CIBAR2: variants seen among roughly 807,000 people sequenced by gnomAD.
CIBAR2 encodes the protein CBY1-interacting BAR domain-containing protein 2.
In CIBAR2, 38 loss-of-function variants were observed where a neutral mutation model predicts 36.2. The observed-to-expected ratio is 1.05, with a 90% confidence interval of 0.81 to 1.38. The LOEUF is 1.38. Among genes scored for constraint, CIBAR2 ranks in the 40% most tolerant of loss-of-function variants. The probability of loss-of-function intolerance (pLI) is 0.00; values close to 1 mark genes in which losing one functional copy is unlikely to be tolerated. For missense variants in CIBAR2, 481 were observed against 383.4 expected (o/e 1.25, Z -2.13); for synonymous variants, 182 against 149.5 (o/e 1.22, Z -1.58).
chr16:85,107,198 A>G (rs2074003008), intron 5 of CIBAR2, among the ~76,000 whole-genome samples: 1 of 152,116 alleles, frequency 6.6e-6, no homozygotes, highest in Non-Finnish European at 1.5e-5. Context: ...ACTCAGTCAC[A>G]AATCAGTTAC....
At position 85,105,340 on chromosome 16, in the gene CIBAR2, A is replaced by G; in HGVS notation, c.524T>C (p.Leu175Pro). The G allele has an allele frequency of 1.2e-6, 2 of 1,612,480 alleles. No homozygotes were observed. Among genetic ancestry groups the G allele is most frequent in the Non-Finnish European group, 1.7e-6 (2 of 1,179,370 alleles). The change falls in exon 6 of 9, where the codon CTC (leucine) becomes CCC (proline). Residue 175 changes from leucine (L) to proline (P), a missense_variant. Transcript: ENST00000539556. ...AACCACCCTCACCTGCAGGTCCTTGAGCTTCTGCCTCTGGAAGCCATCCAC... is the reference window on the plus strand; with the variant it reads ...AACCACCCTCACCTGCAGGTCCTTGGGCTTCTGCCTCTGGAAGCCATCCAC... ...ETVDGFQRQK[L>P]KDLQKFFCDF...
intron 7 of CIBAR2, 80 bp from the exon 8 acceptor site, chr16:85,100,320 G>A (rs1036968917): frequency 1.1e-6 from 1 of 871,470 alleles, no homozygotes; most frequent in African/African-American, 1.6e-5. Context: ...GAAAGACGGT[G>A]GGGACGAGAA....
At chr16:85,105,882 C>T (rs2073992266) in intron 5 of CIBAR2, among the ~76,000 whole-genome samples, 1 of 152,204 alleles carries the variant, frequency 6.6e-6, no homozygotes, top group African/African-American at 2.4e-5. Flanking sequence ...TACTCCATGC[C>T]AAGCCCAGAC....
At chr16:85,103,758 C>T (rs1006013836) in intron 6 of CIBAR2, among the ~76,000 whole-genome samples, 9 of 152,202 alleles carry the variant, frequency 5.9e-5, no homozygotes, top group Non-Finnish European at 8.8e-5. Context: ...TACTGAATAC[C>T]CACTAGGTGC....
intron 6 of CIBAR2, among the ~76,000 whole-genome samples, chr16:85,104,510 C>G (rs759975896): frequency 5.3e-5 from 8 of 152,136 alleles, no homozygotes; most frequent in African/African-American, 9.7e-5. Flanking sequence ...GCGTTCGAGA[C>G]CAGCCTGGCC....
chr16:85,101,611 C>T (rs58780142), intron 7 of CIBAR2, among the ~76,000 whole-genome samples: 1 of 152,112 alleles, frequency 6.6e-6, no homozygotes, highest in Non-Finnish European at 1.5e-5. Flanking sequence ...TATTTCAAAA[C>T]TACATCAAGC....
chr16:85,102,719 A>G (rs967911247), intron 6 of CIBAR2, among the ~76,000 whole-genome samples: 1 of 152,202 alleles, frequency 6.6e-6, no homozygotes, highest in South Asian at 2.1e-4. Context: ...CTTGCTCTCC[A>G]TCCTCCATCC....
intron 8 of CIBAR2, among the ~76,000 whole-genome samples, chr16:85,099,821 T>C (rs1327655539): frequency 9.2e-5 from 9 of 97,952 alleles, no homozygotes; most frequent in Non-Finnish European, 1.4e-4. Context: ...TTTTTTTTTT[T>C]AGTAGAGATG....
intron 1 of CIBAR2, 26 bp downstream of exon 1, chr16:85,112,307 A>G (rs375507623): frequency 2.6e-4 from 416 of 1,612,818 alleles, no homozygotes; most frequent in Non-Finnish European, 3.5e-4. Context: ...CCTCCCTCAC[A>G]GCCAGGCTGG....
intron 4 of CIBAR2, 65 bp downstream of exon 4, chr16:85,107,780 GA>G (rs936742703): frequency 1.9e-6 from 3 of 1,582,660 alleles, no homozygotes; most frequent in Non-Finnish European, 2.6e-6. Flanking sequence ...GAAAACCTCA[GA>G]AGACATCAGT....
chr16:85,106,665 C>T (rs1259666117), intron 5 of CIBAR2, among the ~76,000 whole-genome samples: 5 of 152,188 alleles, frequency 3.3e-5, no homozygotes, highest in African/African-American at 7.2e-5. Flanking sequence ...CAGAAGGAAC[C>T]AGCCCTTTCC....
At chr16:85,107,794 G>A (rs1597670150) in intron 4 of CIBAR2, 52 bp downstream of exon 4, 2 of 1,576,378 alleles carry the variant, frequency 1.3e-6, no homozygotes, top group Admixed American at 1.7e-5. Context: ...ACATCAGTGT[G>A]AGTGGACACC....
intron 6 of CIBAR2, among the ~76,000 whole-genome samples, chr16:85,103,869 C>A (rs1007307687): frequency 6.6e-6 from 1 of 152,222 alleles, no homozygotes; most frequent in East Asian, 1.9e-4. Flanking sequence ...CTCTGCTCCA[C>A]GACGTGATGA....
At chr16:85,107,812 G>A (rs377257991) in intron 4 of CIBAR2, 34 bp downstream of exon 4, 112 of 1,589,906 alleles carry the variant, frequency 7.0e-5, no homozygotes, top group African/African-American at 3.1e-4. Flanking sequence ...ACCCTGGCCC[G>A]GCAGCCCCAG....
chr16:85,101,722 T>A (rs1251748598), intron 7 of CIBAR2, among the ~76,000 whole-genome samples: 1 of 151,572 alleles, frequency 6.6e-6, no homozygotes, highest in Non-Finnish European at 1.5e-5. Flanking sequence ...CAGGCTGGAG[T>A]GCAGTGGCAC....
At chr16:85,109,089 G>A (rs990431825) in intron 2 of CIBAR2, among the ~76,000 whole-genome samples, 6 of 151,806 alleles carry the variant, frequency 4.0e-5, no homozygotes, top group African/African-American at 9.7e-5. Flanking sequence ...ACAGAGCCGT[G>A]AGAAGTTTTA....
chr16:85,099,371 T>C, intron 8 of CIBAR2, 25 bp from the exon 9 acceptor site: 1 of 1,276,684 alleles, frequency 7.8e-7, no homozygotes. Context: ...ATGCACCTGA[T>C]GGCAGGCCTT....
intron 8 of CIBAR2, 44 bp from the exon 9 acceptor site, chr16:85,099,390 TGTAAG>T: frequency 9.1e-7 from 1 of 1,103,650 alleles, no homozygotes; most frequent in Non-Finnish European, 1.4e-6. Flanking sequence ...TTCCTGGGGC[TGTAAG>T]GTAACATCTA....
intron 2 of CIBAR2, among the ~76,000 whole-genome samples, chr16:85,108,321 C>G (rs1026560112): frequency 6.6e-6 from 1 of 152,204 alleles, no homozygotes; most frequent in Admixed American, 6.5e-5. Flanking sequence ...TTCAGTCTCT[C>G]GAAGCCTCAT....
Sources: allele counts gnomAD v4.1 joint callset (sites outside exome capture counted in the v4.1 genomes callset), GRCh38; gene constraint gnomAD v4.1.1; transcripts MANE v1.5; gene names NCBI Gene and HGNC (gene_info 2026-07-23, HGNC 2026-07-21).